TPST1: variants seen among roughly 807,000 people sequenced by gnomAD.
TPST1 encodes tyrosylprotein sulfotransferase 1.
A neutral mutation model predicts 34.8 loss-of-function variants in TPST1; 20 were observed. That is an observed-to-expected ratio of 0.57 (90% CI 0.40 to 0.84). The LOEUF is 0.84. Among genes scored for constraint, TPST1 ranks in the 40% least tolerant of loss-of-function variants. The pLI is 0.00. For synonymous variants in TPST1, 152 were observed against 159.4 expected (o/e 0.95, Z 0.35); for missense variants, 353 against 455.5 (o/e 0.78, Z 2.05).
At chr7:66,297,589 A>G (rs1273536454) in intron 3 of TPST1, among the ~76,000 whole-genome samples, 1 of 152,234 alleles carries the variant, frequency 6.6e-6, no homozygotes, top group African/African-American at 2.4e-5. Flanking sequence ...TTAGTTGGAA[A>G]CCTGAGTAGA....
intron 3 of TPST1, among the ~76,000 whole-genome samples, chr7:66,335,820 A>G (rs1792084852): frequency 6.6e-6 from 1 of 152,214 alleles, no homozygotes; most frequent in Non-Finnish European, 1.5e-5. Flanking sequence ...GAAATCACCA[A>G]AGAACACCTG....
intron 3 of TPST1, among the ~76,000 whole-genome samples, chr7:66,303,231 T>G (rs181729739): frequency 7.9e-5 from 12 of 152,176 alleles, no homozygotes; most frequent in African/African-American, 2.9e-4. Context: ...GTTGCTATAG[T>G]CTTTGTTTAG....
intron 1 of TPST1, among the ~76,000 whole-genome samples, chr7:66,217,426 C>G (rs562690556): frequency 2.0e-5 from 3 of 151,936 alleles, no homozygotes; most frequent in Non-Finnish European, 4.4e-5. Flanking sequence ...TTGGATTTTC[C>G]CTCTTATAAA....
intron 3 of TPST1, among the ~76,000 whole-genome samples, chr7:66,304,690 G>C (rs953385623): frequency 6.6e-6 from 1 of 152,344 alleles, no homozygotes; most frequent in South Asian, 2.1e-4. Context: ...CTCCCTCAAA[G>C]AGGAGATGCT....
At position 66,295,153 on chromosome 7, in the gene TPST1, G is replaced by C. The variant is rs547791946; in HGVS notation, c.1044+8444G>C. ...ATCAATAAAAATAGAACTAAACCAGGGTAAAGTATCTGAGATTTTTAAAAG... is the reference window on the plus strand; with the variant it reads ...ATCAATAAAAATAGAACTAAACCAGCGTAAAGTATCTGAGATTTTTAAAAG... On this transcript the variant is annotated intron_variant, in intron 3 of 5. Coordinates refer to ENST00000304842, the MANE Select transcript of TPST1 (RefSeq NM_003596.4). Among the ~76,000 whole-genome samples the C allele has an allele frequency of 8.4e-4, 128 of 152,038 alleles. 1 individual carries two copies. The South Asian group carries it at 0.013, about 15-fold the overall frequency.
At chr7:66,310,099 A>G (rs1413477955) in intron 3 of TPST1, among the ~76,000 whole-genome samples, 2 of 152,192 alleles carry the variant, frequency 1.3e-5, no homozygotes. Flanking sequence ...CTCAGAAAGA[A>G]TGGATAGTAG....
chr7:66,286,089 C>A (rs1470147876), intron 2 of TPST1, among the ~76,000 whole-genome samples: 1 of 152,190 alleles, frequency 6.6e-6, no homozygotes, highest in African/African-American at 2.4e-5. Flanking sequence ...GCTGTATTTA[C>A]TTTATCACTG....
intron 3 of TPST1, among the ~76,000 whole-genome samples, chr7:66,297,256 T>C (rs1241821400): frequency 6.6e-6 from 1 of 152,220 alleles, no homozygotes; most frequent in Non-Finnish European, 1.5e-5. Flanking sequence ...AGCCCTAGGT[T>C]CATTATTTCC....
chr7:66,324,443 T>C (rs534478266), intron 3 of TPST1, among the ~76,000 whole-genome samples: 1 of 152,290 alleles, frequency 6.6e-6, no homozygotes, highest in East Asian at 1.9e-4. Context: ...ATATATACTT[T>C]TATTAAAATC....
intron 1 of TPST1, among the ~76,000 whole-genome samples, chr7:66,210,348 G>T (rs1380976624): frequency 6.6e-6 from 1 of 152,232 alleles, no homozygotes; most frequent in Non-Finnish European, 1.5e-5. Flanking sequence ...AGAGCAGTTG[G>T]CCCTAAAGAT....
rs913497464 is a variant in TPST1 at position 66,215,899 on chromosome 7, A to G, written c.-102+10377A>G. ...GCCATTCTCCTGCCTCGGCCTCCCAAGTAGCTGGGACTACAGGCGCCCGCC... is the reference window on the plus strand; with the variant it reads ...GCCATTCTCCTGCCTCGGCCTCCCAGGTAGCTGGGACTACAGGCGCCCGCC... On this transcript the variant is annotated intron_variant, in intron 1 of 5. Coordinates refer to ENST00000304842, the MANE Select transcript of TPST1 (RefSeq NM_003596.4). 1.5e-4 allele frequency among the ~76,000 whole-genome samples: 22 copies of G among 150,848 alleles called. 1 individual carries two copies. The South Asian group carries it at 4.4e-3, about 30-fold the overall frequency.
chr7:66,326,899 C>T (rs1022343563), intron 3 of TPST1, among the ~76,000 whole-genome samples: 3 of 152,166 alleles, frequency 2.0e-5, no homozygotes, highest in African/African-American at 7.2e-5. Context: ...TTCTAGGCAG[C>T]ACAAGACTGT....
intron 3 of TPST1, among the ~76,000 whole-genome samples, chr7:66,310,917 T>C (rs1172264368): frequency 6.6e-6 from 1 of 152,006 alleles, no homozygotes; most frequent in African/African-American, 2.4e-5. Context: ...CCTTGACTTC[T>C]TGGGCTCAGG....
chr7:66,266,004 A>G (rs1790585138), intron 2 of TPST1, among the ~76,000 whole-genome samples: 1 of 152,258 alleles, frequency 6.6e-6, no homozygotes, highest in Non-Finnish European at 1.5e-5. Flanking sequence ...GAATTCTTCC[A>G]GCTGAAATCA....
intron 1 of TPST1, among the ~76,000 whole-genome samples, chr7:66,214,040 A>G (rs1042352866): frequency 1.3e-5 from 2 of 152,198 alleles, no homozygotes; most frequent in African/African-American, 4.8e-5. Flanking sequence ...CACATGCCAC[A>G]TGTTCAACCA....
chr7:66,249,505 C>T (rs927455383), intron 2 of TPST1, among the ~76,000 whole-genome samples: 2 of 152,202 alleles, frequency 1.3e-5, no homozygotes, highest in Non-Finnish European at 2.9e-5. Flanking sequence ...TTTCAAACAT[C>T]AACCATTCAT....
chr7:66,251,675 G>C (rs1307554735), intron 2 of TPST1, among the ~76,000 whole-genome samples: 1 of 152,166 alleles, frequency 6.6e-6, no homozygotes, highest in Non-Finnish European at 1.5e-5. Context: ...CTACTTGGAG[G>C]TGACCTTTGA....
chr7:66,232,103 C>T lies in TPST1; in HGVS notation c.-101-8222C>T, dbSNP rs571371461. Among the ~76,000 whole-genome samples the T allele has an allele frequency of 8.8e-4, 134 of 151,754 alleles. 1 individual carries two copies. The highest frequency in any genetic ancestry group is 1.5e-3 in the Non-Finnish European group (104 of 67,968). ...TAACAATGCTGTGAACATAGGTGTA[C>T]AAATTCTTATGTGGAGATGTGTTTC... is the stretch of plus-strand genomic sequence containing the variant. On this transcript the variant is annotated intron_variant, in intron 1 of 5. Coordinates refer to ENST00000304842, the MANE Select transcript of TPST1 (RefSeq NM_003596.4).
At chr7:66,312,290 G>C (rs1272839864) in intron 3 of TPST1, among the ~76,000 whole-genome samples, 1 of 152,168 alleles carries the variant, frequency 6.6e-6, no homozygotes, top group African/African-American at 2.4e-5. Flanking sequence ...TAGTTGGATA[G>C]CTATTTATAC....
Sources: gnomAD v4.1 joint callset for allele counts (sites outside exome capture counted in the v4.1 genomes callset) on GRCh38, gnomAD v4.1.1 for gene constraint, MANE v1.5 for transcripts, NCBI Gene and HGNC (gene_info 2026-07-23, HGNC 2026-07-21) for gene names.